Variants in B3GNT5 observed in about 807,000 individuals in gnomAD.
B3GNT5 encodes lactosylceramide 1,3-N-acetyl-beta-D-glucosaminyltransferase.
Under a neutral mutation model 25.9 loss-of-function variants are expected in B3GNT5, and 11 were observed. That is an observed-to-expected ratio of 0.42 (90% CI 0.27 to 0.70). The LOEUF is 0.70. B3GNT5 is among the 30% of genes least tolerant of loss of function. The pLI is 0.23. For missense variants in B3GNT5, 385 were observed against 458.4 expected (o/e 0.84, Z 1.46); for synonymous variants, 166 against 158.6 (o/e 1.05, Z -0.35).
chr3:183,269,779 A>C lies in B3GNT5; in HGVS notation c.-20A>C, dbSNP rs983909264. Reference sequence around the variant, plus strand: ...TGCCTGTTTAAAACTGATCCTAACTAAAAACAGACTTGAGTGGATATGAGA... The same window carrying C: ...TGCCTGTTTAAAACTGATCCTAACTCAAAACAGACTTGAGTGGATATGAGA... On this transcript the variant is annotated 5_prime_UTR_variant, in exon 2 of 2. An upstream open reading frame in the 5' UTR loses its in-frame stop. Coordinates refer to ENST00000326505, the MANE Select transcript of B3GNT5 (RefSeq NM_032047.5). 1.3e-6 allele frequency: 2 copies of C among 1,579,678 alleles called. No individual in the cohort carries two copies. Among genetic ancestry groups the C allele is most frequent in the Non-Finnish European group, 1.7e-6 (2 of 1,165,088 alleles).
At chr3:183,263,685 AC>A (rs893803110) in intron 1 of B3GNT5, among the ~76,000 whole-genome samples, 1 of 151,742 alleles carries the variant, frequency 6.6e-6, no homozygotes, top group African/African-American at 2.4e-5. Flanking sequence ...TTAGATTATT[AC>A]CCCCTGGACA....
intron 1 of B3GNT5, chr3:183,265,507 G>T (rs1576994231): frequency 6.6e-6 from 1 of 152,324 alleles, no homozygotes. Flanking sequence ...AACCAGAAGA[G>T]TGAGCGCCAG....
intron 1 of B3GNT5, among the ~76,000 whole-genome samples, chr3:183,263,995 G>A (rs903130993): frequency 2.0e-5 from 3 of 152,002 alleles, no homozygotes; most frequent in African/African-American, 7.3e-5. Flanking sequence ...AGAAACCAGC[G>A]TCCTGATCTT....
rs1444083832 is a variant in B3GNT5 at position 183,271,477 on chromosome 3, T to C, written c.*542T>C. ...ATGTAGAAAAATGTGTACAATGTTA[T>C]TATAAACAGACAAATCACGTCTTAC... On this transcript the variant is annotated 3_prime_UTR_variant, in exon 2 of 2. Transcript: ENST00000326505. 2.6e-4 allele frequency: 43 copies of C among 167,138 alleles called. No homozygotes were observed. Among genetic ancestry groups the C allele is most frequent in the African/African-American group, 2.4e-5 (1 of 41,458 alleles). The allele number at this position is 167,138 out of a possible 1,614,324, so 10.4% of individuals were successfully genotyped here. A position where few individuals can be genotyped will look rare whatever the true frequency, so the allele number is the denominator to read the frequency against.
At position 183,270,257 on chromosome 3, in the gene B3GNT5, C is replaced by A. The variant is rs1002571616; in HGVS notation, c.459C>A (p.Tyr153Ter). ...AACTGGCTTGGGAAGATCAAAGGTA[C>A]AATGATATAATTCAGCAAGACTTTG... Reference protein sequence around the residue: ...QRKLAWEDQRYNDIIQQDFVD... With the variant: ...QRKLAWEDQR Residue 153 changes from tyrosine (Y) to a stop codon, truncating the protein, a stop_gained, in exon 2 of 2, where the codon TAC becomes TAA. Coordinates refer to ENST00000326505, the MANE Select transcript of B3GNT5 (RefSeq NM_032047.5). LOFTEE classifies it high-confidence loss of function. The surrounding 1 kb of genome is among the most constrained non-coding windows in gnomAD (Gnocchi z 4.5). The A allele has an allele frequency of 1.9e-6, 3 of 1,613,976 alleles. No homozygotes were observed. Among genetic ancestry groups the A allele is most frequent in the Non-Finnish European group, 2.5e-6 (3 of 1,179,972 alleles).
intron 1 of B3GNT5, chr3:183,254,642 A>G (rs960485539): frequency 3.3e-5 from 5 of 151,988 alleles, no homozygotes; most frequent in East Asian, 1.9e-4. Flanking sequence ...GCGCCCACCA[A>G]TTCGGTTGCC....
chr3:183,257,500 G>A (rs943564415), intron 1 of B3GNT5, among the ~76,000 whole-genome samples: 1 of 152,040 alleles, frequency 6.6e-6, no homozygotes, highest in African/African-American at 2.4e-5. Flanking sequence ...CTACTTTCAG[G>A]GCTGCCCGCT....
intron 1 of B3GNT5, among the ~76,000 whole-genome samples, chr3:183,261,420 CAGG>C (rs1241159392): frequency 6.6e-6 from 1 of 151,960 alleles, no homozygotes; most frequent in Admixed American, 6.6e-5. Flanking sequence ...TATGTGTGGA[CAGG>C]AACTAAAAAC....
chr3:183,256,223 G>C (rs891973324), intron 1 of B3GNT5, among the ~76,000 whole-genome samples: 1 of 152,124 alleles, frequency 6.6e-6, no homozygotes, highest in South Asian at 2.1e-4. Flanking sequence ...GGAATTCATT[G>C]TATCTGTGTT....
In B3GNT5 at chr3:183,269,526, C is replaced by T. The variant is rs1726534365; in HGVS notation, c.-273C>T. The T allele has an allele frequency of 5.5e-6, 2 of 360,782 alleles. No homozygotes were observed. Among genetic ancestry groups the T allele is most frequent in the African/African-American group, 2.1e-5 (1 of 46,744 alleles). The allele number at this position is 360,782 out of a possible 1,614,324, so 22.3% of individuals were successfully genotyped here. ...GCATGGAATATTCACATGGGAGAGC[C>T]GCATGAGGCCGCCCACCACGCTTCC... On this transcript the variant is annotated 5_prime_UTR_variant, in exon 2 of 2. Transcript: ENST00000326505.
Position 183,270,253 on chromosome 3 carries a change from G to T in B3GNT5, c.455G>T (p.Arg152Met). ...AGAAAACTGGCTTGGGAAGATCAAA[G>T]GTACAATGATATAATTCAGCAAGAC... ...LQRKLAWEDQ[R>M]YNDIIQQDFV... The change falls in exon 2 of 2, where the codon AGG (arginine) becomes ATG (methionine). Residue 152 changes from arginine to methionine, a missense_variant. Arg to Met is a moderately conservative substitution (Grantham distance 91). Coordinates refer to ENST00000326505, the MANE Select transcript of B3GNT5 (RefSeq NM_032047.5). This position sits in a 1 kb window ranked among gnomAD's most constrained non-coding sequence, Gnocchi z 4.5. 6.2e-7 allele frequency: 1 copy of T among 1,614,100 alleles called. No homozygotes were observed. Among genetic ancestry groups the T allele is most frequent in the African/African-American group, 1.3e-5 (1 of 75,034 alleles).
At chr3:183,261,441 C>T (rs989316350) in intron 1 of B3GNT5, among the ~76,000 whole-genome samples, 8 of 152,128 alleles carry the variant, frequency 5.3e-5, no homozygotes, top group East Asian at 1.9e-4. Flanking sequence ...AACTCTCCCA[C>T]GTGGGACTTT....
chr3:183,262,970 C>T (rs1560380422), intron 1 of B3GNT5, among the ~76,000 whole-genome samples: 1 of 151,930 alleles, frequency 6.6e-6, no homozygotes, highest in East Asian at 1.9e-4. Context: ...GCAAAGGTGT[C>T]CAATGATTCT....
chr3:183,263,396 AACT>A (rs1725800044), intron 1 of B3GNT5, among the ~76,000 whole-genome samples: 2 of 152,072 alleles, frequency 1.3e-5, no homozygotes, highest in Admixed American at 1.3e-4. Context: ...GCACAACCCT[AACT>A]ATATGGTCAA....
chr3:183,257,144 T>C (rs1440588795), intron 1 of B3GNT5, among the ~76,000 whole-genome samples: 1 of 152,192 alleles, frequency 6.6e-6, no homozygotes, highest in Non-Finnish European at 1.5e-5. Flanking sequence ...TTTGCACAGA[T>C]GGAACATCTA....
Position 183,259,754 on chromosome 3 carries a change from T to A in B3GNT5, c.-302+6282T>A, listed in dbSNP as rs376417725. Reference sequence around the variant, plus strand: ...TTTGGATCTCCATCCTTGGAGTCCCTGAATCTTTTTTGTGGTTGAAAGACT... The same window carrying A: ...TTTGGATCTCCATCCTTGGAGTCCCAGAATCTTTTTTGTGGTTGAAAGACT... On this transcript the variant is annotated intron_variant, in intron 1 of 1. Coordinates refer to ENST00000326505, the MANE Select transcript of B3GNT5 (RefSeq NM_032047.5). Among the ~76,000 whole-genome samples the A allele has an allele frequency of 2.0e-4, 30 of 152,254 alleles. No individual in the cohort carries two copies. In the South Asian group the frequency reaches 5.8e-3, roughly 29 times the overall value.
rs1395283063 is a variant in B3GNT5, at chr3:183,273,223, T to TA, written c.*2292dup. 2.6e-6 allele frequency: 1 copy of TA among 391,734 alleles called. No homozygotes were observed. The highest frequency in any genetic ancestry group is 4.7e-6 in the Non-Finnish European group (1 of 212,574). 24.3% of individuals were successfully genotyped at this position (391,734 alleles called of 1,614,324 possible). The stretch of plus-strand genomic sequence containing the variant: ...AGATGGTTATACACAGTGTTATTGT[T>TA]AAAATTTTTTTACCTTTTGGTTGGT... On this transcript the variant is annotated 3_prime_UTR_variant, in exon 2 of 2. Transcript: ENST00000326505.
In B3GNT5 at chr3:183,262,759, G is replaced by A. The variant is rs553270203; in HGVS notation, c.-301-6739G>A. 2.2e-4 allele frequency among the ~76,000 whole-genome samples: 33 copies of A among 152,154 alleles called. 1 individual carries two copies. The South Asian group carries it at 6.6e-3, about 31-fold the overall frequency. On this transcript the variant is annotated intron_variant, in intron 1 of 1. Transcript: ENST00000326505. The stretch of plus-strand genomic sequence containing the variant: ...TGGGAGGGGGAGATTTAGCATGGCC[G>A]CTGAAGAGACTGGGAAAGGGAGAAG...
chr3:183,260,503 T>C (rs1183154241), intron 1 of B3GNT5, among the ~76,000 whole-genome samples: 3 of 152,242 alleles, frequency 2.0e-5, no homozygotes, highest in African/African-American at 7.2e-5. Context: ...TCAGCTTTTT[T>C]ATTTGTTTCA....
Sources: gnomAD v4.1 joint callset for allele counts (sites outside exome capture counted in the v4.1 genomes callset) on GRCh38, gnomAD v4.1.1 for gene constraint, Gnocchi (gnomAD v3.1) non-coding constraint, MANE v1.5 for transcripts, NCBI Gene and HGNC (gene_info 2026-07-23, HGNC 2026-07-21) for gene names.